C3orf49: variants seen among roughly 807,000 people sequenced by gnomAD.
C3orf49 encodes chromosome 3 open reading frame 49, also known as putative uncharacterized protein C3orf49.
In C3orf49, 27 loss-of-function variants were observed where a neutral mutation model predicts 13.3. The observed-to-expected ratio is 2.02, with a 90% CI of 1.49 to 2.79. The LOEUF (loss-of-function observed/expected upper bound fraction) is 2.79, where lower values mean the gene tolerates loss of function less well. Among genes scored for constraint, C3orf49 ranks in the 30% most tolerant of loss-of-function variants. C3orf49 has a pLI of 0.00. For synonymous variants in C3orf49, 87 were observed against 47.6 expected, an observed-to-expected ratio of 1.83 and a Z score of -3.40; for missense variants, 242 against 134.2, an observed-to-expected ratio of 1.80 and a Z score of -3.97.
the C3orf49 span, among the ~76,000 whole-genome samples, chr3:63,795,408 C>A: frequency 6.6e-6 from 1 of 152,172 alleles, no homozygotes; most frequent in Non-Finnish European, 1.5e-5. Context: ...CTGCTTTATT[C>A]TTTCATTGCC....
the C3orf49 span, among the ~76,000 whole-genome samples, chr3:63,784,543 A>G: frequency 6.6e-6 from 1 of 152,210 alleles, no homozygotes; most frequent in Non-Finnish European, 1.5e-5. Flanking sequence ...GACTTTAAGA[A>G]GCTGGCAGAA....
the C3orf49 span, among the ~76,000 whole-genome samples, chr3:63,793,530 T>G: frequency 6.6e-6 from 1 of 151,832 alleles, no homozygotes; most frequent in Non-Finnish European, 1.5e-5. Flanking sequence ...TCTCCAGCAC[T>G]CCCCACAACC....
At chr3:63,811,581 A>C in the C3orf49 span, among the ~76,000 whole-genome samples, 12,628 of 149,498 alleles carry the variant, frequency 0.084, 1,229 homozygotes, top group African/African-American at 0.24. Context: ...AAAACAAAAA[A>C]AAAAACAAAA....
intron 1 of C3orf49, 45 bp downstream of exon 1, chr3:63,819,641 G>A (rs1443168355): frequency 4.3e-6 from 3 of 702,006 alleles, no homozygotes; most frequent in South Asian, 1.5e-5. Flanking sequence ...GAGTCTTTGG[G>A]TTTGGCATAG....
chr3:63,789,192 C>T, the C3orf49 span, among the ~76,000 whole-genome samples: 9 of 152,092 alleles, frequency 5.9e-5, no homozygotes, highest in East Asian at 3.9e-4. Context: ...TTGTGAACTG[C>T]GCATACAAGG....
At chr3:63,846,641 C>A (rs187864704) in intron 6 of C3orf49, among the ~76,000 whole-genome samples, 159 of 152,224 alleles carry the variant, frequency 1.0e-3, no homozygotes, top group Admixed American at 2.3e-3. Context: ...AAACTCCTGA[C>A]CTCAGGTGAT....
the C3orf49 span, among the ~76,000 whole-genome samples, chr3:63,783,407 G>A: frequency 6.6e-6 from 1 of 152,112 alleles, no homozygotes; most frequent in Non-Finnish European, 1.5e-5. Flanking sequence ...TCTGGGCTGG[G>A]CATGGTGGCT....
the C3orf49 span, among the ~76,000 whole-genome samples, chr3:63,805,448 T>G: frequency 6.6e-6 from 1 of 152,212 alleles, no homozygotes; most frequent in East Asian, 1.9e-4. Context: ...ATTTCAGAAC[T>G]TACCCTACAA....
At chr3:63,810,410 A>G in the C3orf49 span, among the ~76,000 whole-genome samples, 1 of 152,242 alleles carries the variant, frequency 6.6e-6, no homozygotes, top group Non-Finnish European at 1.5e-5. Flanking sequence ...GTGTCTGTCC[A>G]TAGTAGGCAC....
chr3:63,810,494 TA>T, the C3orf49 span, among the ~76,000 whole-genome samples: 1 of 152,214 alleles, frequency 6.6e-6, no homozygotes, highest in Non-Finnish European at 1.5e-5. Flanking sequence ...AACTGAAGTA[TA>T]TCAAGCCTAT....
chr3:63,842,331 T>C (rs905062225), intron 5 of C3orf49, among the ~76,000 whole-genome samples: 3 of 151,988 alleles, frequency 2.0e-5, no homozygotes, highest in Non-Finnish European at 4.4e-5. Flanking sequence ...GGTGAGGATG[T>C]GGAGAAAGCA....
At chr3:63,817,712 T>A (rs1208153228), upstream of C3orf49, among the ~76,000 whole-genome samples, 1 of 152,118 alleles carries the variant, frequency 6.6e-6, no homozygotes, top group Non-Finnish European at 1.5e-5. Flanking sequence ...TCAGGACTCC[T>A]TTGGGAACCT....
chr3:63,833,492 AC>A (rs1165285443), intron 5 of C3orf49: 4 of 152,224 alleles, frequency 2.6e-5, no homozygotes, highest in Admixed American at 2.6e-4. Context: ...AAAGAACAAA[AC>A]AGTAGAGAAA....
chr3:63,831,173 G>A lies in C3orf49; in HGVS notation c.634G>A (p.Glu212Lys), dbSNP rs948935536. 5 of 702,850 alleles carry A rather than the reference G, an allele frequency of 7.1e-6. No individual in the cohort carries two copies. Among genetic ancestry groups the A allele is most frequent in the African/African-American group, 7.0e-5 (4 of 57,208 alleles). 43.5% of individuals were successfully genotyped at this position (702,850 alleles called of 1,614,324 possible). ...PALKKKKRGM[E>K]NILRKSDLTV... ...ACTTAAAAAAAAGAAGCGTGGCATGGAAAACATCCTTCGAAAATCAGATTT... is the reference window on the plus strand; with the variant it reads ...ACTTAAAAAAAAGAAGCGTGGCATGAAAAACATCCTTCGAAAATCAGATTT... Residue 212 changes from glutamate to lysine, a missense_variant, in exon 4 of 7, where the codon GAA becomes AAA. Physicochemically the swap from Glu to Lys is moderately conservative, Grantham distance 56 (BLOSUM62 1). Transcript: ENST00000295896.
the C3orf49 span, among the ~76,000 whole-genome samples, chr3:63,791,580 G>C: frequency 6.6e-6 from 1 of 152,156 alleles, no homozygotes; most frequent in Non-Finnish European, 1.5e-5. Context: ...ACTGATGCCT[G>C]GGCCCACCCC....
At chr3:63,832,284 A>G (rs1345255497) in intron 5 of C3orf49, among the ~76,000 whole-genome samples, 1 of 152,196 alleles carries the variant, frequency 6.6e-6, no homozygotes, top group Non-Finnish European at 1.5e-5. Context: ...GAATTAATCA[A>G]TGGGGGTGGG....
At chr3:63,790,720 A>G in the C3orf49 span, among the ~76,000 whole-genome samples, 1 of 151,788 alleles carries the variant, frequency 6.6e-6, no homozygotes, top group Non-Finnish European at 1.5e-5. Flanking sequence ...GATTAACTGC[A>G]TGATTTAACA....
At chr3:63,785,065 C>CTTTTTTTTTTTTTT in the C3orf49 span, among the ~76,000 whole-genome samples, 12 of 64,964 alleles carry the variant, frequency 1.8e-4, no homozygotes, top group African/African-American at 4.7e-4. Flanking sequence ...TCTTCTTCTT[C>CTTTTTTTTTTTTTT]TTTTTTTTTT....
At chr3:63,786,621 C>A in the C3orf49 span, among the ~76,000 whole-genome samples, 5 of 152,272 alleles carry the variant, frequency 3.3e-5, no homozygotes, top group South Asian at 1.0e-3. Flanking sequence ...TAGGCACAGG[C>A]AATATTTTAT....
Sources: gnomAD v4.1 joint callset for allele counts (sites outside exome capture counted in the v4.1 genomes callset) on GRCh38, gnomAD v4.1.1 for gene constraint, MANE v1.5 for transcripts, NCBI Gene and HGNC (gene_info 2026-07-23, HGNC 2026-07-21) for gene names.